The following TGFBR1 variants were observed in gnomAD, a reference collection of about 807,000 sequenced individuals.
TGFBR1 encodes transforming growth factor beta receptor 1.
A neutral mutation model predicts 55.1 loss-of-function variants in TGFBR1; 20 were observed. That is an observed-to-expected ratio of 0.36 (90% CI 0.26 to 0.53). TGFBR1 has a LOEUF of 0.53. TGFBR1 is among the 20% of genes least tolerant of loss of function. TGFBR1 has a pLI of 0.91. For synonymous variants in TGFBR1, 220 were observed against 214.8 expected (o/e 1.02, Z -0.21); for missense variants, 385 against 617.6 (o/e 0.62, Z 3.99).
intron 3 of TGFBR1, among the ~76,000 whole-genome samples, chr9:99,134,448 G>C (rs887974170): frequency 6.6e-6 from 1 of 152,182 alleles, no homozygotes; most frequent in Non-Finnish European, 1.5e-5. Context: ...CTGGTGGACA[G>C]AGGTTATTTT....
intron 3 of TGFBR1, among the ~76,000 whole-genome samples, chr9:99,136,847 A>G (rs1450858945): frequency 6.6e-6 from 1 of 152,076 alleles, no homozygotes; most frequent in East Asian, 1.9e-4. Flanking sequence ...TAGATTATAA[A>G]TGACACCAAT....
chr9:99,139,116 T>A (rs1201632089), intron 4 of TGFBR1, among the ~76,000 whole-genome samples: 1 of 151,832 alleles, frequency 6.6e-6, no homozygotes, highest in Non-Finnish European at 1.5e-5. Flanking sequence ...CTATTTTTAC[T>A]GCCTCTGTCA....
At chr9:99,129,211 T>A (rs1169909506) in intron 2 of TGFBR1, 111 bp downstream of exon 2, 2 of 1,238,722 alleles carry the variant, frequency 1.6e-6, no homozygotes, top group East Asian at 5.0e-5. Context: ...TCATTCCGTT[T>A]AGAGGCAAGA....
chr9:99,127,945 C>T (rs11568753), intron 1 of TGFBR1: 19,679 of 455,982 alleles, frequency 0.043, 2,080 homozygotes, highest in East Asian at 0.41. Context: ...ATACAGGTAT[C>T]TGGCCTCAAG....
chr9:99,115,810 A>G (rs1303199757), intron 1 of TGFBR1, among the ~76,000 whole-genome samples: 2 of 152,160 alleles, frequency 1.3e-5, no homozygotes, highest in African/African-American at 4.8e-5. Flanking sequence ...TTCAACAATA[A>G]TTATATATAA....
intron 3 of TGFBR1, among the ~76,000 whole-genome samples, chr9:99,136,298 G>T (rs1827437980): frequency 6.6e-6 from 1 of 152,190 alleles, no homozygotes; most frequent in Non-Finnish European, 1.5e-5. Context: ...TCCTCGTCCT[G>T]TTGGCCTTTC....
At position 99,149,337 on chromosome 9, in the gene TGFBR1, C is replaced by G. The variant is rs1827908133; in HGVS notation, c.*32C>G. 6 of 1,612,546 alleles carry G rather than the reference C, an allele frequency of 3.7e-6. No individual in the cohort carries two copies. In the Middle Eastern group the frequency reaches 5.0e-4, roughly 133 times the overall value. ...AGCTTTGCCTGAACTCTCCTTTTTT[C>G]TTCAGATCTGCTCCTGGGTTTTAAT... On this transcript the variant is annotated 3_prime_UTR_variant, in exon 9 of 9. Coordinates refer to ENST00000374994, the MANE Select transcript of TGFBR1 (RefSeq NM_004612.4).
chr9:99,149,824 G>A lies in TGFBR1; in HGVS notation c.*519G>A. 1 of 225,726 alleles carries A rather than the reference G, an allele frequency of 4.4e-6. No individual in the cohort carries two copies. The highest frequency in any genetic ancestry group is 1.6e-4 in the South Asian group (1 of 6,418). The allele number at this position is 225,726 out of a possible 1,614,324, so 14.0% of individuals were successfully genotyped here. ...AACACTTATAAAACTCTTATCTTGAGTCTAAAAATGACCTCATATAGTAGT... is the reference window on the plus strand; with the variant it reads ...AACACTTATAAAACTCTTATCTTGAATCTAAAAATGACCTCATATAGTAGT... On this transcript the variant is annotated 3_prime_UTR_variant, in exon 9 of 9. Transcript: ENST00000374994.
intron 2 of TGFBR1, among the ~76,000 whole-genome samples, chr9:99,131,315 A>G (rs1026283995): frequency 5.9e-5 from 9 of 152,190 alleles, no homozygotes; most frequent in African/African-American, 2.2e-4. Context: ...TTTTTCATAT[A>G]CAAAGGCAAC....
intron 1 of TGFBR1, among the ~76,000 whole-genome samples, chr9:99,120,206 T>G (rs1390787355): frequency 6.6e-6 from 1 of 152,202 alleles, no homozygotes; most frequent in Admixed American, 6.5e-5. Context: ...CTGGCAAAGA[T>G]AGGATTTTAA....
intron 1 of TGFBR1, among the ~76,000 whole-genome samples, chr9:99,114,447 A>ATTGTCATACAGGGAGAACC (rs2118337765): frequency 6.6e-6 from 1 of 152,304 alleles, no homozygotes; most frequent in Admixed American, 6.5e-5. Context: ...AAATGCCAAG[A>ATTGTCATACAGGGAGAACC]TTGTCATACA....
At position 99,142,542 on chromosome 9, in the gene TGFBR1, G is replaced by A; in HGVS notation, c.812G>A (p.Gly271Asp). 6.2e-7 allele frequency: 1 copy of A among 1,613,998 alleles called. No individual in the cohort carries two copies. Among genetic ancestry groups the A allele is most frequent in the South Asian group, 1.1e-5 (1 of 91,078 alleles). The change falls in exon 5 of 9, where the codon GGT (glycine) becomes GAT (aspartate). Residue 271 changes from glycine to aspartate, a missense_variant. Coordinates refer to ENST00000374994, the MANE Select transcript of TGFBR1 (RefSeq NM_004612.4). Reference protein sequence around the residue: ...GFIAADNKDNGTWTQLWLVSD... With the variant: ...GFIAADNKDNDTWTQLWLVSD... ...TGTTAATTCTGTTTTACAGACAATG[G>A]TACTTGGACTCAGCTCTGGTTGGTG...
At chr9:99,144,040 C>T (rs534429344) in intron 5 of TGFBR1, among the ~76,000 whole-genome samples, 36 of 152,100 alleles carry the variant, frequency 2.4e-4, no homozygotes, top group Non-Finnish European at 4.9e-4. Flanking sequence ...GTCATATATC[C>T]GTTCGTTGAT....
chr9:99,152,364 A>G lies in TGFBR1; in HGVS notation c.*3059A>G, dbSNP rs200138586. 2.7e-5 allele frequency: 6 copies of G among 222,592 alleles called. No individual in the cohort carries two copies. Among genetic ancestry groups the G allele is most frequent in the Admixed American group, 5.8e-5 (1 of 17,370 alleles). The allele number at this position is 222,592 out of a possible 1,614,324, so 13.8% of individuals were successfully genotyped here. A position where few individuals can be genotyped will look rare whatever the true frequency, so the allele number is the denominator to read the frequency against. ...GAAACAGTGGCCAGTTGTATCGCCT[A>G]TAAGACAGGGTAAGGTCTGAAGAGC... On this transcript the variant is annotated 3_prime_UTR_variant, in exon 9 of 9. Coordinates refer to ENST00000374994, the MANE Select transcript of TGFBR1 (RefSeq NM_004612.4).
At chr9:99,128,061 T>C (rs1827090822) in intron 1 of TGFBR1, 1 of 454,696 alleles carries the variant, frequency 2.2e-6, no homozygotes, top group African/African-American at 2.0e-5. Context: ...GTTGAAGGTG[T>C]ATCTGTGTGT....
chr9:99,107,820 C>A (rs987022186), intron 1 of TGFBR1, among the ~76,000 whole-genome samples: 1 of 152,230 alleles, frequency 6.6e-6, no homozygotes, highest in Non-Finnish European at 1.5e-5. Flanking sequence ...CTCTTTCTCA[C>A]TGACTCCTGA....
chr9:99,110,769 A>G (rs1230560178), intron 1 of TGFBR1, among the ~76,000 whole-genome samples: 1 of 152,242 alleles, frequency 6.6e-6, no homozygotes, highest in East Asian at 1.9e-4. Flanking sequence ...AACCTAGTTC[A>G]TATCTATGAA....
intron 3 of TGFBR1, among the ~76,000 whole-genome samples, chr9:99,136,997 A>G (rs760448162): frequency 8.5e-5 from 13 of 152,212 alleles, no homozygotes; most frequent in Non-Finnish European, 1.8e-4. Context: ...TCTCACATAT[A>G]GTGCCACTTA....
intron 1 of TGFBR1, among the ~76,000 whole-genome samples, chr9:99,112,406 A>G (rs968447267): frequency 1.3e-5 from 2 of 152,248 alleles, no homozygotes; most frequent in African/African-American, 4.8e-5. Context: ...CACCTTTTAA[A>G]ATATTGTCAT....
Sources: gnomAD v4.1 joint callset for allele counts (sites outside exome capture counted in the v4.1 genomes callset) on GRCh38, gnomAD v4.1.1 for gene constraint, MANE v1.5 for transcripts, NCBI Gene and HGNC (gene_info 2026-07-23, HGNC 2026-07-21) for gene names.